Variants in RANBP2 observed in about 807,000 individuals in gnomAD.
The protein encoded by RANBP2 is E3 SUMO-protein ligase RanBP2.
In RANBP2, 57 loss-of-function variants were observed where a neutral mutation model predicts 303.6. The ratio of observed to expected loss-of-function variants is 0.19; its 90% CI spans 0.15 to 0.23. The LOEUF is 0.23. Ranked by LOEUF, RANBP2 falls within the 10% of genes least tolerant of loss-of-function variation. The pLI is 1.00. For synonymous variants in RANBP2, 1,167 were observed against 1,301.5 expected, an observed-to-expected ratio of 0.90 and a Z score of 2.23; for missense variants, 3,138 against 3,780.8, an observed-to-expected ratio of 0.83 and a Z score of 4.46.
the RANBP2 span, among the ~76,000 whole-genome samples, chr2:108,797,485 T>C: frequency 6.6e-6 from 1 of 152,136 alleles, no homozygotes; most frequent in Non-Finnish European, 1.5e-5. Context: ...TGAGGAGTGA[T>C]TCTGAAATGA....
the RANBP2 span, among the ~76,000 whole-genome samples, chr2:109,344,846 G>A: frequency 6.6e-6 from 1 of 152,154 alleles, no homozygotes; most frequent in African/African-American, 2.4e-5. Flanking sequence ...GCCTCTAGGA[G>A]CTTGCAGATG....
At chr2:109,505,372 A>G in the RANBP2 span, among the ~76,000 whole-genome samples, 1 of 152,208 alleles carries the variant, frequency 6.6e-6, no homozygotes, top group South Asian at 2.1e-4. Flanking sequence ...ATTTTACTCT[A>G]CCATAAAAAT....
At chr2:109,245,271 T>G in the RANBP2 span, among the ~76,000 whole-genome samples, 2 of 151,576 alleles carry the variant, frequency 1.3e-5, no homozygotes, top group African/African-American at 4.8e-5. Context: ...GAGACAGGAG[T>G]AGAGCTGTCT....
At chr2:109,766,720 A>C in the RANBP2 span, among the ~76,000 whole-genome samples, 5 of 146,286 alleles carry the variant, frequency 3.4e-5, no homozygotes, top group East Asian at 6.5e-4. Flanking sequence ...AAGAAAAAAA[A>C]CCTCTCAATA....
chr2:108,880,306 A>G, the RANBP2 span, among the ~76,000 whole-genome samples: 1 of 152,134 alleles, frequency 6.6e-6, no homozygotes, highest in African/African-American at 2.4e-5. Flanking sequence ...ATGTTCATAG[A>G]TAGGAAGACT....
chr2:109,417,778 C>T, the RANBP2 span, among the ~76,000 whole-genome samples: 4 of 152,160 alleles, frequency 2.6e-5, no homozygotes, highest in African/African-American at 7.2e-5. Context: ...GCCCATGTAG[C>T]ATGGTTTCAG....
At chr2:109,186,966 C>T in the RANBP2 span, among the ~76,000 whole-genome samples, 1 of 152,202 alleles carries the variant, frequency 6.6e-6, no homozygotes, top group Non-Finnish European at 1.5e-5. Flanking sequence ...TGCTGCCTCC[C>T]CAACCTGTGC....
the RANBP2 span, among the ~76,000 whole-genome samples, chr2:109,201,345 A>G: frequency 8.5e-5 from 13 of 152,334 alleles, no homozygotes; most frequent in East Asian, 1.7e-3. Flanking sequence ...TAGAACCCAC[A>G]GGTACATGGC....
the RANBP2 span, among the ~76,000 whole-genome samples, chr2:109,397,346 C>T: frequency 2.0e-5 from 3 of 152,114 alleles, no homozygotes; most frequent in South Asian, 6.2e-4. Flanking sequence ...AACTCACAGG[C>T]ATTTACCCAG....
the RANBP2 span, among the ~76,000 whole-genome samples, chr2:109,530,663 C>A: frequency 6.6e-6 from 1 of 152,148 alleles, no homozygotes; most frequent in African/African-American, 2.4e-5. Flanking sequence ...CTGGGTGTAC[C>A]TTTCTGTGTG....
the RANBP2 span, among the ~76,000 whole-genome samples, chr2:109,087,714 A>G: frequency 1.3e-5 from 2 of 152,136 alleles, no homozygotes; most frequent in African/African-American, 4.8e-5. Flanking sequence ...GGTGGAACCT[A>G]TGAGCTGCAA....
At chr2:109,240,483 A>G in the RANBP2 span, among the ~76,000 whole-genome samples, 1 of 152,212 alleles carries the variant, frequency 6.6e-6, no homozygotes, top group African/African-American at 2.4e-5. Flanking sequence ...CAAAAAAACA[A>G]ACAAACAAAA....
At chr2:109,454,548 G>A in the RANBP2 span, among the ~76,000 whole-genome samples, 1 of 152,194 alleles carries the variant, frequency 6.6e-6, no homozygotes, top group Non-Finnish European at 1.5e-5. Flanking sequence ...GACTTCTGTG[G>A]AGCCCTCTCC....
chr2:109,711,608 G>A, the RANBP2 span, among the ~76,000 whole-genome samples: 5 of 152,164 alleles, frequency 3.3e-5, no homozygotes, highest in Non-Finnish European at 5.9e-5. Flanking sequence ...ATGCCCACTG[G>A]CTATGCAGAA....
At chr2:109,377,750 G>C in the RANBP2 span, among the ~76,000 whole-genome samples, 1 of 152,146 alleles carries the variant, frequency 6.6e-6, no homozygotes, top group South Asian at 2.1e-4. Context: ...CAGACCACTG[G>C]GTTCTAAGCC....
the RANBP2 span, among the ~76,000 whole-genome samples, chr2:109,315,883 C>T: frequency 6.6e-6 from 1 of 152,166 alleles, no homozygotes; most frequent in Non-Finnish European, 1.5e-5. Context: ...CCACCAGTTC[C>T]CAGAACGTCA....
the RANBP2 span, chr2:109,574,709 G>T: frequency 6.8e-6 from 11 of 1,606,538 alleles, no homozygotes; most frequent in Non-Finnish European, 9.3e-6. Flanking sequence ...TTAATCTTCA[G>T]TTCTTCTTGG....
the RANBP2 span, among the ~76,000 whole-genome samples, chr2:109,079,186 A>G: frequency 6.6e-6 from 1 of 152,096 alleles, no homozygotes; most frequent in African/African-American, 2.4e-5. Context: ...TCAACTAAAG[A>G]CGAGGAGGAT....
chr2:109,394,518 A>G, the RANBP2 span, among the ~76,000 whole-genome samples: 1 of 152,248 alleles, frequency 6.6e-6, no homozygotes, highest in African/African-American at 2.4e-5. Flanking sequence ...AGCAGTCCTC[A>G]TGATGAATGG....
Sources: gnomAD v4.1 joint callset for allele counts (sites outside exome capture counted in the v4.1 genomes callset) on GRCh38, gnomAD v4.1.1 for gene constraint, MANE v1.5 for transcripts, NCBI Gene and HGNC (gene_info 2026-07-23, HGNC 2026-07-21) for gene names.